C1orf21: variants seen among roughly 807,000 people sequenced by gnomAD.
C1orf21 encodes the protein uncharacterized protein C1orf21.
A neutral mutation model predicts 18.7 loss-of-function variants in C1orf21; 3 were observed. The ratio of observed to expected loss-of-function variants is 0.16; its 90% CI spans 0.07 to 0.42. The LOEUF is 0.42. Among genes scored for constraint, C1orf21 ranks in the 10% least tolerant of loss-of-function variants. C1orf21 has a pLI of 0.99. For synonymous variants in C1orf21, 41 were observed against 46.4 expected (o/e 0.88, Z 0.47); for missense variants, 104 against 143.6 (o/e 0.72, Z 1.41).
chr1:184,616,570 T>C (rs766623678), intron 5 of C1orf21, among the ~76,000 whole-genome samples: 1 of 152,260 alleles, frequency 6.6e-6, no homozygotes, highest in African/African-American at 2.4e-5. Context: ...GGGGAGCCTT[T>C]ACTGTGGTTT....
intron 1 of C1orf21, among the ~76,000 whole-genome samples, chr1:184,454,801 A>T (rs1423985509): frequency 6.6e-6 from 1 of 152,060 alleles, no homozygotes; most frequent in Non-Finnish European, 1.5e-5. Context: ...AGCCTGTGGA[A>T]CTGTGAGCCA....
chr1:184,510,493 G>T (rs568960827), intron 3 of C1orf21, among the ~76,000 whole-genome samples: 1 of 152,292 alleles, frequency 6.6e-6, no homozygotes, highest in Admixed American at 6.5e-5. Context: ...CGTCTATTGG[G>T]GCATCAGGAC....
chr1:184,452,175 G>A (rs1368866744), intron 1 of C1orf21, among the ~76,000 whole-genome samples: 1 of 152,180 alleles, frequency 6.6e-6, no homozygotes, highest in African/African-American at 2.4e-5. Flanking sequence ...GCTTTTGGTG[G>A]AGAGCTTATT....
intron 5 of C1orf21, among the ~76,000 whole-genome samples, chr1:184,618,177 G>A (rs576029591): frequency 5.3e-4 from 81 of 152,114 alleles, no homozygotes; most frequent in Admixed American, 1.7e-3. Context: ...CCCAAAGTGC[G>A]GGATTACAGG....
At chr1:184,527,656 G>A (rs949427311) in intron 3 of C1orf21, among the ~76,000 whole-genome samples, 1 of 152,138 alleles carries the variant, frequency 6.6e-6, no homozygotes, top group African/African-American at 2.4e-5. Flanking sequence ...AATGGGACAC[G>A]CTGTCCTACT....
At position 184,587,610 on chromosome 1, in the gene C1orf21, C is replaced by T. The variant is rs1203269431; in HGVS notation, c.190-3129C>T. Among the ~76,000 whole-genome samples the T allele has an allele frequency of 4.2e-5, 6 of 144,396 alleles. No individual in the cohort carries two copies. The East Asian group carries it at 1.2e-3, about 30-fold the overall frequency. The allele number at this position is 144,396 out of a possible 152,430, so 94.7% of individuals were successfully genotyped here. On this transcript the variant is annotated intron_variant, in intron 3 of 5. Transcript: ENST00000235307. ...ATTCCTAATTTAGCTCTTGGCATGA[C>T]TGTTGTTGGTGTATAGGAGTGCTAG...
At chr1:184,391,891 A>G (rs780673540) in intron 1 of C1orf21, among the ~76,000 whole-genome samples, 9 of 152,070 alleles carry the variant, frequency 5.9e-5, no homozygotes, top group Non-Finnish European at 1.0e-4. Flanking sequence ...TATTTTTAGT[A>G]GAGACAGGGT....
At chr1:184,583,926 G>A (rs929745478) in intron 3 of C1orf21, among the ~76,000 whole-genome samples, 4 of 152,190 alleles carry the variant, frequency 2.6e-5, no homozygotes, top group Non-Finnish European at 4.4e-5. Flanking sequence ...AAAAGAAACA[G>A]TATCTTAGTT....
rs561541592 is a variant in C1orf21 at position 184,389,773 on chromosome 1, T to C, written c.-125+2405T>C. Among the ~76,000 whole-genome samples the C allele has an allele frequency of 2.6e-5, 4 of 152,302 alleles. No homozygotes were observed. In the East Asian group the frequency reaches 7.7e-4, roughly 29 times the overall value. On this transcript the variant is annotated intron_variant, in intron 1 of 5. Transcript: ENST00000235307. ...AAGACGTTTTTTTGTTTTTGTTTTTTGTTTGTTTGTTTTTGTCTAAAGGAG... is the reference window on the plus strand; with the variant it reads ...AAGACGTTTTTTTGTTTTTGTTTTTCGTTTGTTTGTTTTTGTCTAAAGGAG...
chr1:184,541,629 A>C (rs1025550712), intron 3 of C1orf21, among the ~76,000 whole-genome samples: 1 of 152,214 alleles, frequency 6.6e-6, no homozygotes, highest in African/African-American at 2.4e-5. Context: ...TGGTCCTCTG[A>C]GGATGTTAAG....
At position 184,626,030 on chromosome 1, in the gene C1orf21, TC is replaced by T. The variant is rs1472341545; in HGVS notation, c.*6477del. ...CTAACCCCAGTGTGTGGAGTTGGGG[TC>T]CCTTCATCTAGGTTGACCCAGGTAT... is the stretch of plus-strand genomic sequence containing the variant. On this transcript the variant is annotated 3_prime_UTR_variant, in exon 6 of 6. Transcript: ENST00000235307. 1 of 152,090 alleles carries T rather than the reference TC, an allele frequency of 6.6e-6. No individual in the cohort carries two copies. The highest frequency in any genetic ancestry group is 1.5e-5 in the Non-Finnish European group (1 of 68,018). 9.4% of individuals were successfully genotyped at this position (152,090 alleles called of 1,614,324 possible).
intron 2 of C1orf21, among the ~76,000 whole-genome samples, chr1:184,503,077 C>CAAAAAAAA (rs199599189): frequency 1.6e-5 from 1 of 61,636 alleles, no homozygotes; most frequent in African/African-American, 6.8e-5. Flanking sequence ...GAAACTGTCT[C>CAAAAAAAA]AAAAAAAAAA....
At chr1:184,584,992 A>G (rs920904122) in intron 3 of C1orf21, among the ~76,000 whole-genome samples, 6 of 152,234 alleles carry the variant, frequency 3.9e-5, no homozygotes, top group Non-Finnish European at 7.3e-5. Context: ...GATTGTCGTG[A>G]TGACTGCATA....
At chr1:184,519,136 A>G (rs1214744676) in intron 3 of C1orf21, among the ~76,000 whole-genome samples, 1 of 152,218 alleles carries the variant, frequency 6.6e-6, no homozygotes, top group African/African-American at 2.4e-5. Context: ...CTGCTGGTCT[A>G]ATTTAAAGAT....
intron 1 of C1orf21, among the ~76,000 whole-genome samples, chr1:184,397,340 A>G (rs1227826378): frequency 6.6e-6 from 1 of 152,228 alleles, no homozygotes; most frequent in Non-Finnish European, 1.5e-5. Context: ...TAATCCCAGC[A>G]CTTTAGGAGG....
chr1:184,622,994 T>C lies in C1orf21; in HGVS notation c.*3438T>C, dbSNP rs1449975357. Reference sequence around the variant, plus strand: ...TTATCTTCTTATAACTTTATCCTGCTATAACTTTATCCTCTTCCCAGCCTC... The same window carrying C: ...TTATCTTCTTATAACTTTATCCTGCCATAACTTTATCCTCTTCCCAGCCTC... On this transcript the variant is annotated 3_prime_UTR_variant, in exon 6 of 6. Coordinates refer to ENST00000235307, the MANE Select transcript of C1orf21 (RefSeq NM_030806.4). 2 of 152,280 alleles carry C rather than the reference T, an allele frequency of 1.3e-5. No homozygotes were observed. Among genetic ancestry groups the C allele is most frequent in the African/African-American group, 4.8e-5 (2 of 41,462 alleles). The allele number at this position is 152,280 out of a possible 1,614,324, so 9.4% of individuals were successfully genotyped here.
chr1:184,412,651 G>GAA (rs58696214), intron 1 of C1orf21, among the ~76,000 whole-genome samples: 69 of 151,576 alleles, frequency 4.6e-4, no homozygotes, highest in African/African-American at 1.6e-3. Context: ...CTGCAAAAAA[G>GAA]AAAAAAAATA....
chr1:184,530,662 A>G (rs1191042348), intron 3 of C1orf21, among the ~76,000 whole-genome samples: 2 of 123,342 alleles, frequency 1.6e-5, no homozygotes, highest in Admixed American at 8.6e-5. Context: ...ATTTTGTTTC[A>G]ATATTTTCAT....
In C1orf21 at chr1:184,586,206, A is replaced by T. The variant is rs149970709; in HGVS notation, c.190-4533A>T. On this transcript the variant is annotated intron_variant, in intron 3 of 5. Transcript: ENST00000235307. ...GATTTGCATTTCCTGATGATCAGTG[A>T]TGTTAAACTTTTTTTCATATGATTG... 6.4e-3 allele frequency among the ~76,000 whole-genome samples: 969 copies of T among 151,284 alleles called. 3 individuals carry two copies. The highest frequency in any genetic ancestry group is 0.017 in the Middle Eastern group (5 of 292).
Sources: gnomAD v4.1 joint callset for allele counts (sites outside exome capture counted in the v4.1 genomes callset) on GRCh38, gnomAD v4.1.1 for gene constraint, MANE v1.5 for transcripts, NCBI Gene and HGNC (gene_info 2026-07-23, HGNC 2026-07-21) for gene names.